Variants in TRHDE observed in about 807,000 individuals in gnomAD.
TRHDE encodes the protein thyrotropin releasing hormone degrading enzyme, also known as thyrotropin-releasing hormone-degrading ectoenzyme.
A neutral mutation model predicts 125.7 loss-of-function variants in TRHDE; 72 were observed. That is an observed-to-expected ratio of 0.57 (90% CI 0.47 to 0.70). The LOEUF (loss-of-function observed/expected upper bound fraction) is 0.70. Ranked by LOEUF, TRHDE falls within the 30% of genes least tolerant of loss-of-function variation. The probability of loss-of-function intolerance (pLI) is 0.00; values close to 1 mark genes in which losing one functional copy is unlikely to be tolerated. For missense variants in TRHDE, 1,110 were observed against 1,327.1 expected (o/e 0.84, Z 2.54); for synonymous variants, 509 against 509.1 (o/e 1.00, Z 0.00).
At chr12:72,128,082 A>G (rs931557173) in intron 2 of TRHDE, among the ~76,000 whole-genome samples, 1 of 152,120 alleles carries the variant, frequency 6.6e-6, no homozygotes, top group Non-Finnish European at 1.5e-5. Context: ...TGATCAGAGC[A>G]TATGTATGAA....
At chr12:72,471,833 C>T (rs2135900246) in intron 4 of TRHDE, among the ~76,000 whole-genome samples, 1 of 152,296 alleles carries the variant, frequency 6.6e-6, no homozygotes, top group Middle Eastern at 3.4e-3. Flanking sequence ...GTTAATGTGG[C>T]TCCTAAAGCC....
intron 2 of TRHDE, among the ~76,000 whole-genome samples, chr12:72,163,707 T>C (rs1876683401): frequency 6.6e-6 from 1 of 152,200 alleles, no homozygotes; most frequent in Admixed American, 6.5e-5. Context: ...TTAAGCTAAA[T>C]GAAATTGAGA....
At chr12:72,088,734 C>T (rs115928609) in intron 1 of TRHDE, among the ~76,000 whole-genome samples, 3,198 of 152,110 alleles carry the variant, frequency 0.021, 112 homozygotes, top group African/African-American at 0.072. Flanking sequence ...TTCTCCTCTC[C>T]GGGCTTTTAT....
intron 2 of TRHDE, among the ~76,000 whole-genome samples, chr12:72,300,343 A>G (rs1880455174): frequency 7.0e-6 from 1 of 142,992 alleles, no homozygotes; most frequent in African/African-American, 2.6e-5. Context: ...TGAAAAACAC[A>G]CTCATATAAA....
intron 7 of TRHDE, among the ~76,000 whole-genome samples, chr12:72,547,274 T>A (rs544640698): frequency 3.3e-4 from 50 of 151,684 alleles, no homozygotes; most frequent in Non-Finnish European, 5.8e-4. Context: ...CTCAGCTGAT[T>A]TCAACAATTT....
intron 2 of TRHDE, among the ~76,000 whole-genome samples, chr12:72,291,051 C>T (rs962427636): frequency 3.9e-5 from 6 of 152,146 alleles, no homozygotes; most frequent in Non-Finnish European, 5.9e-5. Context: ...TATATTCATC[C>T]TACAAACAAT....
chr12:72,645,695 A>G (rs1019102062), intron 15 of TRHDE, among the ~76,000 whole-genome samples: 3 of 152,144 alleles, frequency 2.0e-5, no homozygotes, highest in African/African-American at 4.8e-5. Flanking sequence ...AAAAGTAAAA[A>G]AGAGAATTTT....
At chr12:72,416,281 A>G (rs563598472) in intron 3 of TRHDE, among the ~76,000 whole-genome samples, 4 of 152,116 alleles carry the variant, frequency 2.6e-5, no homozygotes, top group East Asian at 1.9e-4. Context: ...AGCTCCTTAT[A>G]TATTCTGCTT....
chr12:72,510,006 C>G (rs1878517233), intron 6 of TRHDE, among the ~76,000 whole-genome samples: 1 of 151,958 alleles, frequency 6.6e-6, no homozygotes, highest in Admixed American at 6.6e-5. Flanking sequence ...ATTGTGTTGC[C>G]CAGTCATTTA....
At chr12:72,525,287 T>G (rs1480962026) in intron 6 of TRHDE, among the ~76,000 whole-genome samples, 1 of 152,146 alleles carries the variant, frequency 6.6e-6, no homozygotes, top group Non-Finnish European at 1.5e-5. Context: ...AAAATAACTT[T>G]GTCCTTTAGA....
intron 2 of TRHDE, among the ~76,000 whole-genome samples, chr12:72,260,963 C>T (rs896558756): frequency 2.0e-5 from 3 of 152,038 alleles, no homozygotes; most frequent in African/African-American, 7.2e-5. Context: ...TTTTGACAGT[C>T]GTTGGTAAAT....
intron 3 of TRHDE, among the ~76,000 whole-genome samples, chr12:72,434,442 A>G (rs1031107807): frequency 5.3e-5 from 8 of 151,280 alleles, no homozygotes; most frequent in Admixed American, 6.6e-5. Context: ...ACTTCCAAAT[A>G]CTTTATATGT....
At chr12:72,653,202 T>C in intron 17 of TRHDE, 46 bp downstream of exon 17, 2 of 1,541,122 alleles carry the variant, frequency 1.3e-6, no homozygotes, top group Admixed American at 3.8e-5. Context: ...AAAGCCGACA[T>C]AGGAGGAATA....
chr12:72,421,833 C>T (rs1036334029), intron 3 of TRHDE, among the ~76,000 whole-genome samples: 3 of 152,180 alleles, frequency 2.0e-5, no homozygotes, highest in African/African-American at 4.8e-5. Flanking sequence ...TTGGTAGAAG[C>T]GTTCAGTTGT....
intron 3 of TRHDE, among the ~76,000 whole-genome samples, chr12:72,429,041 G>T (rs1874311469): frequency 6.6e-6 from 1 of 151,996 alleles, no homozygotes; most frequent in South Asian, 2.1e-4. Flanking sequence ...TGTGTCCTTT[G>T]CAGGGACATG....
chr12:72,401,535 A>C (rs564036509), intron 3 of TRHDE, among the ~76,000 whole-genome samples: 3 of 152,244 alleles, frequency 2.0e-5, no homozygotes, highest in Non-Finnish European at 4.4e-5. Context: ...GGCAATTGAC[A>C]ATTTAAAAAT....
intron 3 of TRHDE, among the ~76,000 whole-genome samples, chr12:72,440,805 T>C (rs898209444): frequency 1.3e-5 from 2 of 151,900 alleles, no homozygotes; most frequent in African/African-American, 4.8e-5. Flanking sequence ...ACACAGGGTC[T>C]GTCACAGGTA....
chr12:72,258,328 A>G (rs1166807396), intron 2 of TRHDE: 1 of 152,212 alleles, frequency 6.6e-6, no homozygotes, highest in Non-Finnish European at 1.5e-5. Context: ...GCTGGTGCCT[A>G]CAGGATGCCA....
chr12:72,637,390 CTCTTTTTT>C lies in TRHDE; in HGVS notation c.2676-14926_2676-14919del, dbSNP rs1873809465. Among the ~76,000 whole-genome samples the C allele has an allele frequency of 1.1e-4, 16 of 152,188 alleles. No homozygotes were observed. The South Asian group carries it at 3.3e-3, about 32-fold the overall frequency. On this transcript the variant is annotated intron_variant, in intron 15 of 18. Transcript: ENST00000261180. ...TTTATTGCATCTATTTGATTCTTTT[CTCTTTTTT>C]TCTTTATTAGTCTTGCTAGCGGTCT...
Sources: allele counts gnomAD v4.1 joint callset (sites outside exome capture counted in the v4.1 genomes callset), GRCh38; gene constraint gnomAD v4.1.1; transcripts MANE v1.5; gene names NCBI Gene and HGNC (gene_info 2026-07-23, HGNC 2026-07-21).